The following ANO1 variants were observed in gnomAD, a reference collection of about 807,000 sequenced individuals.
The protein encoded by ANO1 is anoctamin-1.
ANO1 carries 59 observed loss-of-function variants against 124.0 expected under a neutral mutation model. That is an observed-to-expected ratio of 0.48 (90% confidence interval 0.39 to 0.59). ANO1 has a LOEUF of 0.59. Ranked by LOEUF, ANO1 falls within the 20% of genes least tolerant of loss-of-function variation. ANO1 has a pLI of 0.00. For missense variants in ANO1, 1,059 were observed against 1,328.0 expected, an observed-to-expected ratio of 0.80 and a Z score of 3.15; for synonymous variants, 529 against 532.0, an observed-to-expected ratio of 0.99 and a Z score of 0.08.
chr11:70,165,615 C>T, intron 20 of ANO1, 45 bp downstream of exon 20: 2 of 1,519,494 alleles, frequency 1.3e-6, no homozygotes, highest in South Asian at 1.2e-5. Context: ...CGGGGCCAGG[C>T]GGAGGGGTGT....
At chr11:70,016,810 G>T (rs1449372308) in intron 1 of ANO1, among the ~76,000 whole-genome samples, 1 of 152,204 alleles carries the variant, frequency 6.6e-6, no homozygotes, top group East Asian at 1.9e-4. Flanking sequence ...AAGGAGATAG[G>T]GAATCTGCTA....
chr11:70,175,582 A>G (rs2048662008), intron 22 of ANO1, among the ~76,000 whole-genome samples: 1 of 152,216 alleles, frequency 6.6e-6, no homozygotes, highest in African/African-American at 2.4e-5. Context: ...CCAGGTCCCT[A>G]GCCCTGGTTT....
intron 1 of ANO1, among the ~76,000 whole-genome samples, chr11:70,025,860 G>T (rs62645182): frequency 7.4e-6 from 1 of 135,342 alleles, no homozygotes; most frequent in African/African-American, 2.8e-5. Flanking sequence ...GGTGGTGATG[G>T]TGATGATGAT....
chr11:70,158,886 T>C (rs955620974), intron 16 of ANO1, among the ~76,000 whole-genome samples: 1 of 151,812 alleles, frequency 6.6e-6, no homozygotes, highest in African/African-American at 2.4e-5. Flanking sequence ...CTCGGTGACT[T>C]GGTGGGAGGG....
intron 1 of ANO1, among the ~76,000 whole-genome samples, chr11:70,027,682 G>A (rs1856932375): frequency 6.6e-6 from 1 of 152,216 alleles, no homozygotes; most frequent in African/African-American, 2.4e-5. Context: ...TGGAAATAGT[G>A]ACAGTCAGGT....
chr11:69,986,730 C>G (rs575828956), intron 1 of ANO1, among the ~76,000 whole-genome samples: 33 of 152,274 alleles, frequency 2.2e-4, no homozygotes, highest in Non-Finnish European at 3.7e-4. Flanking sequence ...TTCCTCCCCC[C>G]TGGCTGCACA....
intron 22 of ANO1, among the ~76,000 whole-genome samples, chr11:70,176,139 G>GTATA (rs371250706): frequency 0.11 from 16,308 of 146,332 alleles, 1,009 homozygotes; most frequent in Middle Eastern, 0.18. Flanking sequence ...CAGATTATGG[G>GTATA]TATATATATA....
chr11:70,023,795 T>C (rs535923405), intron 1 of ANO1, among the ~76,000 whole-genome samples: 17 of 152,290 alleles, frequency 1.1e-4, no homozygotes, highest in African/African-American at 3.8e-4. Flanking sequence ...ATCCCAGCCA[T>C]GTGTGGGCCA....
intron 1 of ANO1, among the ~76,000 whole-genome samples, chr11:70,004,003 G>A (rs1367049717): frequency 2.6e-5 from 4 of 152,008 alleles, no homozygotes; most frequent in Admixed American, 6.5e-5. Flanking sequence ...GACCACCCAC[G>A]AGCTCCTCCT....
intron 10 of ANO1, among the ~76,000 whole-genome samples, chr11:70,127,481 C>T (rs2046569951): frequency 6.6e-6 from 1 of 152,236 alleles, no homozygotes; most frequent in African/African-American, 2.4e-5. Flanking sequence ...AAGGCCCAGA[C>T]CTGAGACAGC....
At chr11:70,027,449 CG>C (rs1856926846) in intron 1 of ANO1, among the ~76,000 whole-genome samples, 1 of 152,186 alleles carries the variant, frequency 6.6e-6, no homozygotes, top group Non-Finnish European at 1.5e-5. Flanking sequence ...GAAGGTGTCT[CG>C]CTTTCGTGCT....
chr11:70,018,470 G>A (rs1431713237), intron 1 of ANO1: 2 of 152,240 alleles, frequency 1.3e-5, no homozygotes, highest in Non-Finnish European at 1.5e-5. Context: ...CAAGCCGTGA[G>A]TGGAGGTGAC....
chr11:70,033,744 T>C (rs1218988511), intron 1 of ANO1, among the ~76,000 whole-genome samples: 2 of 152,076 alleles, frequency 1.3e-5, no homozygotes, highest in African/African-American at 4.8e-5. Context: ...TCAGACTTTA[T>C]TGAAACATGG....
At chr11:69,988,586 C>T (rs782768385) in intron 1 of ANO1, among the ~76,000 whole-genome samples, 20 of 152,192 alleles carry the variant, frequency 1.3e-4, no homozygotes, top group Non-Finnish European at 1.9e-4. Context: ...CTATAACCTG[C>T]TCATTCTCGC....
chr11:70,105,272 CG>C (rs1287198413), intron 4 of ANO1, among the ~76,000 whole-genome samples: 1 of 152,178 alleles, frequency 6.6e-6, no homozygotes, highest in Admixed American at 6.5e-5. Flanking sequence ...CAGGAAGCCT[CG>C]GGCCATCCCT....
chr11:70,114,386 T>G (rs2045899952), intron 7 of ANO1, among the ~76,000 whole-genome samples: 1 of 152,226 alleles, frequency 6.6e-6, no homozygotes, highest in Admixed American at 6.5e-5. Context: ...GGGAGATGAC[T>G]GGTTCTGGCC....
intron 22 of ANO1, among the ~76,000 whole-genome samples, chr11:70,178,865 G>A (rs1200659196): frequency 6.6e-6 from 1 of 152,206 alleles, no homozygotes; most frequent in Non-Finnish European, 1.5e-5. Context: ...CACCCAGCCC[G>A]CAGTGGGCAT....
At chr11:70,052,531 CTTTTTTT>C (rs200770702) in intron 1 of ANO1, among the ~76,000 whole-genome samples, 20 of 65,906 alleles carry the variant, frequency 3.0e-4, no homozygotes, top group African/African-American at 1.0e-3. Context: ...TTTTTCTTTT[CTTTTTTT>C]TTTTTTTTTT....
intron 1 of ANO1, among the ~76,000 whole-genome samples, chr11:70,024,893 G>A (rs1555003006): frequency 1.3e-5 from 2 of 152,112 alleles, no homozygotes; most frequent in Non-Finnish European, 2.9e-5. Context: ...GTGAGACAGG[G>A]ACCACACAGG....
Sources: gnomAD v4.1 joint callset for allele counts (sites outside exome capture counted in the v4.1 genomes callset) on GRCh38, gnomAD v4.1.1 for gene constraint, MANE v1.5 for transcripts, NCBI Gene and HGNC (gene_info 2026-07-23, HGNC 2026-07-21) for gene names.